The following PAGE3 variants were observed in gnomAD, a reference collection of about 807,000 sequenced individuals.
PAGE3 encodes PAGE family member 3, also known as P antigen family member 3.
A neutral mutation model predicts 3.8 loss-of-function variants in PAGE3; 9 were observed. The ratio of observed to expected loss-of-function variants is 2.36; its 90% CI spans 1.42 to 4.12. The LOEUF (loss-of-function observed/expected upper bound fraction) is 4.12. PAGE3 is among the 30% of genes most tolerant of loss of function. The pLI is 0.00. For synonymous variants in PAGE3, 24 were observed against 13.1 expected, an observed-to-expected ratio of 1.83 and a Z score of -1.79; for missense variants, 73 against 37.8, an observed-to-expected ratio of 1.93 and a Z score of -2.44.
chrX:55,262,703 G>GATATATATATAT (rs10534339), intron 3 of PAGE3, among the ~76,000 whole-genome samples: 1 of 91,075 alleles, frequency 1.1e-5, no homozygotes, highest in African/African-American at 4.2e-5. Context: ...TGTTACATAT[G>GATATATATATAT]ATATATATAT....
chrX:55,258,722 C>G (rs1419827723), intron 4 of PAGE3, among the ~76,000 whole-genome samples, 194 bp from the exon 5 acceptor site: 3 of 110,724 alleles, frequency 2.7e-5, no homozygotes, highest in Non-Finnish European at 3.8e-5. Context: ...ATTTTAAAAT[C>G]CCACTCATTT....
chrX:55,263,990 C>A, intron 1 of PAGE3, 79 bp from the exon 2 acceptor site: 1 of 459,150 alleles, frequency 2.2e-6, no homozygotes, highest in Non-Finnish European at 3.8e-6. Flanking sequence ...AATTGGAAAG[C>A]ATGCAAGCTC....
At chrX:55,263,139 G>C (rs1173110533) in intron 3 of PAGE3, 112 bp downstream of exon 3, 8 of 422,617 alleles carry the variant, frequency 1.9e-5, no homozygotes, top group Non-Finnish European at 3.4e-5. Context: ...TTCAGGAAAT[G>C]TTTGAGATCT....
At chrX:55,260,443 T>C (rs907108580) in intron 4 of PAGE3, 91 bp downstream of exon 4, 2 of 441,530 alleles carry the variant, frequency 4.5e-6, no homozygotes, top group Non-Finnish European at 8.1e-6. Context: ...TGTTAAATTA[T>C]ATTAGCAGTA....
At chrX:55,259,697 T>C (rs1358291328) in intron 4 of PAGE3, among the ~76,000 whole-genome samples, 2 of 111,158 alleles carry the variant, frequency 1.8e-5, no homozygotes, top group Non-Finnish European at 1.9e-5. Flanking sequence ...AAATAAAGAC[T>C]TATACCTGTC....
At chrX:55,264,352 G>A (rs970234120) in intron 1 of PAGE3, among the ~76,000 whole-genome samples, 194 bp downstream of exon 1, 3 of 110,651 alleles carry the variant, frequency 2.7e-5, no homozygotes, top group Admixed American at 9.6e-5. Flanking sequence ...TTGCAAAGCC[G>A]AGTGAAGGGC....
intron 2 of PAGE3, among the ~76,000 whole-genome samples, chrX:55,263,593 T>A (rs148700490): frequency 1.9e-4 from 21 of 111,632 alleles, no homozygotes; most frequent in African/African-American, 6.5e-4. Context: ...CAATGTGTTA[T>A]GAATAAGCAG....
rs1938361028 is a variant in PAGE3 at position 55,264,814 on chromosome X, C to G, written c.-277G>C. The G allele has an allele frequency of 9.0e-6, 1 of 111,430 alleles. No individual in the cohort carries two copies. The highest frequency in any genetic ancestry group is 1.9e-5 in the Non-Finnish European group (1 of 53,086). 9.2% of individuals were successfully genotyped at this position (111,430 alleles called of 1,213,427 possible). A position where few individuals can be genotyped will look rare whatever the true frequency, so the allele number is the denominator to read the frequency against. On this transcript the variant is annotated 5_prime_UTR_variant, in exon 1 of 5. Transcript: ENST00000374951. ...CAGGAGGACTGATCTGCGGACCTAC[C>G]AGCTGAGTCCCAGTCAGTGAGAAAG...
intron 4 of PAGE3, among the ~76,000 whole-genome samples, chrX:55,258,805 T>C (rs1938239328): frequency 9.1e-6 from 1 of 110,184 alleles, no homozygotes; most frequent in African/African-American, 3.3e-5. Context: ...AAGTTTTAAC[T>C]AGAAACTAAA....
rs1260444117 is a variant in PAGE3, at chrX:55,258,494, G to C, written c.*12C>G. ...CATAAAGACTGCATGTATGGTTTCA[G>C]CTTGTCTTCATTTAAACCGATGGTT... On this transcript the variant is annotated 3_prime_UTR_variant, in exon 5 of 5. Coordinates refer to ENST00000374951, the MANE Select transcript of PAGE3 (RefSeq NM_001017931.3). 1.8e-6 allele frequency: 1 copy of C among 561,773 alleles called. No homozygotes were observed. The highest frequency in any genetic ancestry group is 2.3e-5 in the African/African-American group (1 of 44,235). The allele number at this position is 561,773 out of a possible 1,213,427, so 46.3% of individuals were successfully genotyped here. A position where few individuals can be genotyped will look rare whatever the true frequency, so the allele number is the denominator to read the frequency against.
In PAGE3 at chrX:55,260,597, C is replaced by T. The variant is rs952594646; in HGVS notation, c.256G>A (p.Asp86Asn). The stretch of plus-strand genomic sequence containing the variant: ...AATTCTCCCTTGACATTAGGACCAT[C>T]TCCACGTTCACCCCCAGTCTTTGAC... Reference protein sequence around the residue: ...TRSKTGGERGDGPNVKGEFLP... With the variant: ...TRSKTGGERGNGPNVKGEFLP... Residue 86 changes from aspartate (D) to asparagine (N), a missense_variant, in exon 4 of 5, where the codon GAT (aspartate) becomes AAT (asparagine). Coordinates refer to ENST00000374951, the MANE Select transcript of PAGE3 (RefSeq NM_001017931.3). The T allele has an allele frequency of 3.5e-6, 2 of 566,886 alleles. No homozygotes were observed. The highest frequency in any genetic ancestry group is 6.5e-5 in the East Asian group (2 of 30,611). 46.7% of individuals were successfully genotyped at this position (566,886 alleles called of 1,213,427 possible). A position where few individuals can be genotyped will look rare whatever the true frequency, so the allele number is the denominator to read the frequency against.
chrX:55,263,793 G>A, intron 2 of PAGE3, 27 bp downstream of exon 2: 2 of 546,444 alleles, frequency 3.7e-6, no homozygotes, highest in Non-Finnish European at 6.6e-6. Context: ...GTTTCTAATA[G>A]AAAATATCAA....
chrX:55,259,527 AATT>A (rs1938249320), intron 4 of PAGE3, among the ~76,000 whole-genome samples: 1 of 110,990 alleles, frequency 9.0e-6, no homozygotes, highest in Non-Finnish European at 1.9e-5. Context: ...ATCCACTTTT[AATT>A]ATATTACACA....
At chrX:55,263,063 G>A (rs1031954091) in intron 3 of PAGE3, among the ~76,000 whole-genome samples, 188 bp downstream of exon 3, 5 of 110,236 alleles carry the variant, frequency 4.5e-5, no homozygotes, top group African/African-American at 9.9e-5. Context: ...CTTGAAGGTC[G>A]AATGCATTAT....
chrX:55,259,888 A>T (rs1938256283), intron 4 of PAGE3, among the ~76,000 whole-genome samples: 1 of 111,257 alleles, frequency 9.0e-6, no homozygotes, highest in African/African-American at 3.2e-5. Flanking sequence ...AATATTTTTA[A>T]TCTAAATATT....
rs890237153 is a variant in PAGE3, at chrX:55,263,828, C to T, written c.76G>A (p.Ala26Thr). The T allele has an allele frequency of 8.0e-5, 45 of 564,802 alleles. No individual in the cohort carries two copies. The Admixed American group carries it at 8.2e-4, about 10-fold the overall frequency. The allele number at this position is 564,802 out of a possible 1,213,427, so 46.5% of individuals were successfully genotyped here. A position where few individuals can be genotyped will look rare whatever the true frequency, so the allele number is the denominator to read the frequency against. Residue 26 changes from alanine (A) to threonine (T), a missense_variant, in exon 2 of 5, where the codon GCT (alanine) becomes ACT (threonine). Coordinates refer to ENST00000374951, the MANE Select transcript of PAGE3 (RefSeq NM_001017931.3). ...DDQDSNHPVG[A>T]VVAQELPSND... ...AATGTTAAAATACTCACAACCACAGCCCCTACTGGATGATTAGAGTCTTGA... is the reference window on the plus strand; with the variant it reads ...AATGTTAAAATACTCACAACCACAGTCCCTACTGGATGATTAGAGTCTTGA...
chrX:55,261,161 C>T (rs902587175), intron 3 of PAGE3, among the ~76,000 whole-genome samples: 3 of 110,686 alleles, frequency 2.7e-5, no homozygotes, highest in African/African-American at 3.3e-5. Flanking sequence ...TCATGAAAGA[C>T]GAAGAAAGAG....
intron 3 of PAGE3, among the ~76,000 whole-genome samples, chrX:55,261,470 A>G (rs1938288406): frequency 8.9e-6 from 1 of 111,990 alleles, no homozygotes; most frequent in South Asian, 3.7e-4. Context: ...GATTATAATA[A>G]TCTTGCAACT....
At chrX:55,258,675 G>C (rs1307978054) in intron 4 of PAGE3, 147 bp from the exon 5 acceptor site, 18 of 374,809 alleles carry the variant, frequency 4.8e-5, no homozygotes, top group Non-Finnish European at 7.5e-5. Flanking sequence ...AACCGCTATA[G>C]AGACTTTGAA....
Sources: gnomAD v4.1 joint callset for allele counts (sites outside exome capture counted in the v4.1 genomes callset) on GRCh38, gnomAD v4.1.1 for gene constraint, MANE v1.5 for transcripts, NCBI Gene and HGNC (gene_info 2026-07-23, HGNC 2026-07-21) for gene names.